Variants in INPP4B observed in about 807,000 individuals in gnomAD.
INPP4B encodes inositol polyphosphate-4-phosphatase type II B.
In INPP4B, 55 loss-of-function variants were observed where a neutral mutation model predicts 122.5. The ratio of observed to expected loss-of-function variants is 0.45; its 90% CI spans 0.36 to 0.56. INPP4B has a LOEUF of 0.56. Among genes scored for constraint, INPP4B ranks in the 20% least tolerant of loss-of-function variants. The pLI is 0.00. For synonymous variants in INPP4B, 403 were observed against 388.7 expected (o/e 1.04, Z -0.43); for missense variants, 1,000 against 1,097.7 (o/e 0.91, Z 1.26).
chr4:142,230,712 T>G (rs1853948214), intron 12 of INPP4B, among the ~76,000 whole-genome samples: 1 of 151,914 alleles, frequency 6.6e-6, no homozygotes, highest in South Asian at 2.1e-4. Context: ...TGAAGTGATT[T>G]TATCTTTTCT....
chr4:142,120,344 G>A (rs779870617), intron 21 of INPP4B, among the ~76,000 whole-genome samples: 42 of 151,986 alleles, frequency 2.8e-4, no homozygotes, highest in Middle Eastern at 3.4e-3. Flanking sequence ...TAAATTTTAG[G>A]TTAGGCTTGC....
chr4:142,501,355 G>A (rs187936917), intron 2 of INPP4B, among the ~76,000 whole-genome samples: 61 of 152,244 alleles, frequency 4.0e-4, no homozygotes, highest in African/African-American at 1.5e-3. Flanking sequence ...ATTAGAAAGA[G>A]AAATCTGCCC....
At chr4:142,373,948 G>A (rs1278319785) in intron 7 of INPP4B, among the ~76,000 whole-genome samples, 1 of 151,750 alleles carries the variant, frequency 6.6e-6, no homozygotes. Context: ...CGTGCATTGA[G>A]CAGCCACGGT....
At chr4:142,835,062 C>T (rs1375958720) in intron 1 of INPP4B, among the ~76,000 whole-genome samples, 1 of 152,176 alleles carries the variant, frequency 6.6e-6, no homozygotes, top group Admixed American at 6.5e-5. Flanking sequence ...ATGTGGAATC[C>T]CCTGAAGTTT....
chr4:142,305,653 G>C (rs766832132), intron 8 of INPP4B, 116 bp from the exon 9 acceptor site: 2 of 1,484,392 alleles, frequency 1.3e-6, no homozygotes, highest in Admixed American at 2.2e-5. Flanking sequence ...CTATTAGCCT[G>C]ACAAATATTT....
rs140883265 is a variant in INPP4B at position 142,802,853 on chromosome 4, G to A, written c.-254+43356C>T. Among the ~76,000 whole-genome samples, 5 of 151,494 alleles carry A rather than the reference G, an allele frequency of 3.3e-5. No individual in the cohort carries two copies. In the East Asian group the frequency reaches 5.8e-4, roughly 18 times the overall value. ...CCTGTGCAAAATAATGAAGTTGAAC[G>A]CGGTATCTGGTAGGATGTAAGAAAT... On this transcript the variant is annotated intron_variant, in intron 1 of 25. Coordinates refer to ENST00000262992, the MANE Select transcript of INPP4B (RefSeq NM_001101669.3).
At chr4:142,056,665 C>T (rs1019363970) in intron 25 of INPP4B, among the ~76,000 whole-genome samples, 2 of 151,960 alleles carry the variant, frequency 1.3e-5, no homozygotes, top group Non-Finnish European at 2.9e-5. Flanking sequence ...AACAAAGTGC[C>T]GAAAATATCT....
chr4:142,749,000 T>C (rs1258281406), intron 1 of INPP4B, among the ~76,000 whole-genome samples: 2 of 151,424 alleles, frequency 1.3e-5, no homozygotes, highest in Admixed American at 6.6e-5. Context: ...ATTATCCAGG[T>C]GTGGTGACAC....
intron 25 of INPP4B, among the ~76,000 whole-genome samples, chr4:142,066,840 G>A (rs1353596655): frequency 6.6e-6 from 1 of 152,196 alleles, no homozygotes; most frequent in Non-Finnish European, 1.5e-5. Flanking sequence ...CGAACTGGAT[G>A]GAGCCCACCA....
intron 25 of INPP4B, among the ~76,000 whole-genome samples, chr4:142,075,203 C>G (rs1769936623): frequency 6.6e-6 from 1 of 151,998 alleles, no homozygotes; most frequent in African/African-American, 2.4e-5. Flanking sequence ...AAGATGTTCA[C>G]TTTTGACTAT....
intron 22 of INPP4B, among the ~76,000 whole-genome samples, chr4:142,108,670 G>A (rs979870803): frequency 2.0e-5 from 3 of 152,096 alleles, no homozygotes; most frequent in South Asian, 2.1e-4. Flanking sequence ...GTAGGCACAC[G>A]TAGAGCCAGA....
At chr4:142,732,941 C>T (rs190185670) in intron 1 of INPP4B, among the ~76,000 whole-genome samples, 1 of 152,020 alleles carries the variant, frequency 6.6e-6, no homozygotes, top group African/African-American at 2.4e-5. Flanking sequence ...GTAATTAAGA[C>T]AGTAACTGGT....
At position 142,122,243 on chromosome 4, in the gene INPP4B, C is replaced by T. The variant is rs554325579; in HGVS notation, c.2020G>A (p.Asp674Asn). The change falls in exon 21 of 26, where the codon GAT becomes AAT. Residue 674 changes from aspartate to asparagine, a missense_variant and splice_region_variant. Asp to Asn is a conservative substitution (Grantham distance 23). Coordinates refer to ENST00000262992, the MANE Select transcript of INPP4B (RefSeq NM_001101669.3). ...ATGTCCTCTAGCATTCCAATTTCAT[C>T]GCCTAAACAATAGAAAAGGCACTTA... is the stretch of plus-strand genomic sequence containing the variant. Reference protein sequence around the residue: ...QYEGLLSTYSDEIGMLEDMAV... With the variant: ...QYEGLLSTYSNEIGMLEDMAV... 89 of 1,606,442 alleles carry T rather than the reference C, an allele frequency of 5.5e-5. 1 individual carries two copies. The South Asian group carries it at 6.4e-4, about 12-fold the overall frequency.
chr4:142,607,524 T>C (rs188542810), intron 2 of INPP4B, among the ~76,000 whole-genome samples: 2 of 152,238 alleles, frequency 1.3e-5, no homozygotes, highest in East Asian at 3.9e-4. Flanking sequence ...TCCAAACCTC[T>C]TGGTCTCTAG....
intron 2 of INPP4B, among the ~76,000 whole-genome samples, chr4:142,672,461 T>G (rs567941440): frequency 6.6e-6 from 1 of 152,258 alleles, no homozygotes; most frequent in African/African-American, 2.4e-5. Context: ...CATTAGTTGA[T>G]TTAGTAGTAT....
Position 142,124,507 on chromosome 4 carries a change from A to G in INPP4B, c.1893+81T>C, listed in dbSNP as rs1426290171. 5.5e-6 allele frequency: 7 copies of G among 1,275,618 alleles called. No individual in the cohort carries two copies. The African/African-American group carries it at 6.0e-5, about 11-fold the overall frequency. 79.0% of individuals were successfully genotyped at this position (1,275,618 alleles called of 1,614,324 possible). A position where few individuals can be genotyped will look rare whatever the true frequency, so the allele number is the denominator to read the frequency against. ...TCTTTTTAAAAATAAAGCTGTCCCAATAAGAATTCTATTCATCATCAAGGA... is the reference window on the plus strand; with the variant it reads ...TCTTTTTAAAAATAAAGCTGTCCCAGTAAGAATTCTATTCATCATCAAGGA... On this transcript the variant is annotated intron_variant, in intron 19 of 25. Transcript: ENST00000262992.
At chr4:142,188,002 AC>A (rs1833922198) in intron 15 of INPP4B, among the ~76,000 whole-genome samples, 1 of 152,150 alleles carries the variant, frequency 6.6e-6, no homozygotes, top group South Asian at 2.1e-4. Context: ...GGAAAAAAAG[AC>A]TGGAAGAGAG....
chr4:142,753,863 A>G (rs1020476727), intron 1 of INPP4B, among the ~76,000 whole-genome samples: 9 of 152,046 alleles, frequency 5.9e-5, no homozygotes, highest in African/African-American at 2.2e-4. Flanking sequence ...ATTACATGTA[A>G]TTTTATTTTT....
rs1249757530 is a variant in INPP4B at position 142,694,335 on chromosome 4, T to TG, written c.-191+31503dup. Reference sequence around the variant, plus strand: ...TTGCAGTGAGCCGAGATTGTACCACTGCACTTTAGCCTGGGTGACAGAACG... The same window carrying TG: ...TTGCAGTGAGCCGAGATTGTACCACTGGCACTTTAGCCTGGGTGACAGAACG... On this transcript the variant is annotated intron_variant, in intron 2 of 25. Coordinates refer to ENST00000262992, the MANE Select transcript of INPP4B (RefSeq NM_001101669.3). 3.4e-5 allele frequency among the ~76,000 whole-genome samples: 5 copies of TG among 147,328 alleles called. No homozygotes were observed. The East Asian group carries it at 1.0e-3, about 30-fold the overall frequency.
Sources: allele counts gnomAD v4.1 joint callset (sites outside exome capture counted in the v4.1 genomes callset), GRCh38; gene constraint gnomAD v4.1.1; transcripts MANE v1.5; gene names NCBI Gene and HGNC (gene_info 2026-07-23, HGNC 2026-07-21).